COTL1: variants seen among roughly 807,000 people sequenced by gnomAD.
The protein encoded by COTL1 is coactosin like F-actin binding protein 1, also known as coactosin-like protein.
In COTL1, 15 loss-of-function variants were observed where a neutral mutation model predicts 16.5. The ratio of observed to expected loss-of-function variants is 0.91; its 90% CI spans 0.61 to 1.40. The LOEUF is 1.40. Among genes scored for constraint, COTL1 ranks in the 40% most tolerant of loss-of-function variants. COTL1 has a pLI of 0.00. For synonymous variants in COTL1, 112 were observed against 85.3 expected, an observed-to-expected ratio of 1.31 and a Z score of -1.73; for missense variants, 220 against 201.5, an observed-to-expected ratio of 1.09 and a Z score of -0.56.
intron 2 of COTL1, among the ~76,000 whole-genome samples, chr16:84,593,727 C>A (rs1361020298): frequency 6.6e-6 from 1 of 152,098 alleles, no homozygotes; most frequent in East Asian, 1.9e-4. Flanking sequence ...TCTTGATCTC[C>A]TGACCTCGTG....
intron 2 of COTL1, among the ~76,000 whole-genome samples, chr16:84,591,729 G>A (rs1904870028): frequency 6.7e-6 from 1 of 150,060 alleles, no homozygotes; most frequent in African/African-American, 2.4e-5. Flanking sequence ...AGGCTAAGGT[G>A]GGAGGATCAC....
chr16:84,617,407 A>C (rs757018897), intron 2 of COTL1, 94 bp downstream of exon 2: 521 of 1,225,578 alleles, frequency 4.3e-4, no homozygotes, highest in Non-Finnish European at 5.6e-4. Context: ...CCATGTGGCC[A>C]CCGGTTCCTC....
chr16:84,585,281 G>A (rs1904691326), intron 3 of COTL1, among the ~76,000 whole-genome samples: 1 of 151,492 alleles, frequency 6.6e-6, no homozygotes, highest in African/African-American at 2.4e-5. Context: ...CTTAAGCATG[G>A]GAGGCAGAGG....
At chr16:84,567,332 G>C in intron 3 of COTL1, 1 of 181,882 alleles carries the variant, frequency 5.5e-6, no homozygotes, top group South Asian at 1.1e-4. Flanking sequence ...GAAAATAATA[G>C]GTTACGAGGT....
chr16:84,571,586 T>A (rs1184874919), intron 3 of COTL1, among the ~76,000 whole-genome samples: 2 of 152,090 alleles, frequency 1.3e-5, no homozygotes, highest in Non-Finnish European at 2.9e-5. Flanking sequence ...GTCCACCCCT[T>A]CCCCGTTCTT....
At chr16:84,598,307 G>C (rs1426010052) in intron 2 of COTL1, among the ~76,000 whole-genome samples, 1 of 152,240 alleles carries the variant, frequency 6.6e-6, no homozygotes, top group African/African-American at 2.4e-5. Flanking sequence ...CAATGATGGA[G>C]CTTTGGCTCC....
At chr16:84,603,173 C>G (rs1173688036) in intron 2 of COTL1, among the ~76,000 whole-genome samples, 2 of 152,196 alleles carry the variant, frequency 1.3e-5, no homozygotes, top group Non-Finnish European at 2.9e-5. Context: ...AGACTCGCAG[C>G]CAGTTTTCCT....
At chr16:84,571,884 G>C (rs1486684120) in intron 3 of COTL1, among the ~76,000 whole-genome samples, 3 of 152,220 alleles carry the variant, frequency 2.0e-5, no homozygotes, top group Non-Finnish European at 2.9e-5. Flanking sequence ...GGCCCAGGTG[G>C]TCAGGCCGCA....
At chr16:84,605,841 T>A (rs921781310) in intron 2 of COTL1, among the ~76,000 whole-genome samples, 5 of 152,228 alleles carry the variant, frequency 3.3e-5, no homozygotes, top group Non-Finnish European at 5.9e-5. Context: ...ATTCACCAAG[T>A]TTGTGGTCAT....
At chr16:84,576,049 T>G (rs1406756171) in intron 3 of COTL1, 3 of 152,244 alleles carry the variant, frequency 2.0e-5, no homozygotes, top group Non-Finnish European at 4.4e-5. Flanking sequence ...AGGCAGTAGC[T>G]AGTTCCTCTT....
intron 2 of COTL1, among the ~76,000 whole-genome samples, chr16:84,598,646 T>C (rs984986852): frequency 1.5e-5 from 1 of 65,824 alleles, no homozygotes; most frequent in Non-Finnish European, 3.4e-5. Context: ...CTCCTCCCCT[T>C]CTCCCCCCCA....
intron 2 of COTL1, among the ~76,000 whole-genome samples, chr16:84,612,802 G>A (rs1905363525): frequency 6.6e-6 from 1 of 152,030 alleles, no homozygotes; most frequent in Non-Finnish European, 1.5e-5. Context: ...CACACACCGT[G>A]GCCTGTGCTC....
At chr16:84,587,947 T>A (rs1193116210) in intron 3 of COTL1, among the ~76,000 whole-genome samples, 1 of 152,114 alleles carries the variant, frequency 6.6e-6, no homozygotes, top group Non-Finnish European at 1.5e-5. Flanking sequence ...AATTTCTGTA[T>A]TTTTAGCAGA....
intron 2 of COTL1, among the ~76,000 whole-genome samples, chr16:84,591,156 T>C (rs1459338953): frequency 6.6e-6 from 1 of 151,852 alleles, no homozygotes; most frequent in African/African-American, 2.4e-5. Context: ...CTGCTCTGTA[T>C]TATCAAAATA....
intron 3 of COTL1, among the ~76,000 whole-genome samples, chr16:84,580,948 C>G (rs143258234): frequency 6.6e-6 from 1 of 152,174 alleles, no homozygotes; most frequent in African/African-American, 2.4e-5. Context: ...TGAGACCAGC[C>G]TGGCCAACAT....
At chr16:84,583,823 C>T (rs536486843) in intron 3 of COTL1, among the ~76,000 whole-genome samples, 3 of 152,254 alleles carry the variant, frequency 2.0e-5, no homozygotes, top group South Asian at 2.1e-4. Flanking sequence ...ATCCCTGGCA[C>T]GTCCATCCTT....
At chr16:84,616,634 G>C (rs1047048883) in intron 2 of COTL1, among the ~76,000 whole-genome samples, 1 of 152,206 alleles carries the variant, frequency 6.6e-6, no homozygotes, top group Non-Finnish European at 1.5e-5. Flanking sequence ...AGATGGGAGG[G>C]AGTCGCATTC....
chr16:84,586,206 C>G (rs1398221326), intron 3 of COTL1, among the ~76,000 whole-genome samples: 1 of 152,202 alleles, frequency 6.6e-6, no homozygotes, highest in East Asian at 1.9e-4. Flanking sequence ...GATGAAAATA[C>G]TGCATGAGCC....
At chr16:84,579,655 G>A (rs528703925) in intron 3 of COTL1, among the ~76,000 whole-genome samples, 13 of 152,192 alleles carry the variant, frequency 8.5e-5, no homozygotes, top group Admixed American at 2.0e-4. Flanking sequence ...GCATTTTGTC[G>A]GAACCCTTTC....
Sources: allele counts gnomAD v4.1 joint callset (sites outside exome capture counted in the v4.1 genomes callset), GRCh38; gene constraint gnomAD v4.1.1; transcripts MANE v1.5; gene names NCBI Gene and HGNC (gene_info 2026-07-23, HGNC 2026-07-21).